UBASH3B: variants seen among roughly 807,000 people sequenced by gnomAD.
The protein encoded by UBASH3B is ubiquitin associated and SH3 domain containing B.
Under a neutral mutation model 83.4 loss-of-function variants are expected in UBASH3B, and 37 were observed. The observed-to-expected ratio is 0.44, with a 90% CI of 0.34 to 0.58. UBASH3B has a LOEUF of 0.58. Ranked by LOEUF, UBASH3B falls within the 20% of genes least tolerant of loss-of-function variation. The probability of loss-of-function intolerance (pLI) is 0.01; values close to 1 mark genes in which losing one functional copy is unlikely to be tolerated. For missense variants in UBASH3B, 657 were observed against 827.2 expected (o/e 0.79, Z 2.52); for synonymous variants, 304 against 318.3 (o/e 0.96, Z 0.48).
chr11:122,791,114 T>C (rs1861046057), intron 6 of UBASH3B, among the ~76,000 whole-genome samples: 1 of 152,226 alleles, frequency 6.6e-6, no homozygotes, highest in African/African-American at 2.4e-5. Flanking sequence ...CATCTTTTAT[T>C]CGAGAGATTA....
At chr11:122,803,415 T>C (rs866507158) in intron 11 of UBASH3B, among the ~76,000 whole-genome samples, 3 of 152,044 alleles carry the variant, frequency 2.0e-5, no homozygotes, top group African/African-American at 7.2e-5. Flanking sequence ...GAAAGAGCCC[T>C]CTCACCTTGC....
At chr11:122,718,333 G>A (rs1003580227) in intron 1 of UBASH3B, among the ~76,000 whole-genome samples, 2 of 152,154 alleles carry the variant, frequency 1.3e-5, no homozygotes, top group African/African-American at 4.8e-5. Flanking sequence ...ACTTAACATA[G>A]AGCCCTGGCG....
At position 122,794,800 on chromosome 11, in the gene UBASH3B, C is replaced by T. The variant is rs760170613; in HGVS notation, c.1079C>T (p.Thr360Met). ...TATGAGGACCAGGGGCTCGGGGAGACGACTCCTCTTACTATCATCTGCCAG... is the reference window on the plus strand; with the variant it reads ...TATGAGGACCAGGGGCTCGGGGAGATGACTCCTCTTACTATCATCTGCCAG... ...RPYEDQGLGE[T>M]TPLTIICQPM... Residue 360 changes from threonine to methionine, a missense_variant, in exon 7 of 14, where the codon ACG becomes ATG. Around this residue, in one of 3 missense-constraint regions of UBASH3B, gnomAD observed 573 missense variants for 739.0 expected, o/e 0.78. Transcript: ENST00000284273. 49 of 1,613,756 alleles carry T rather than the reference C, an allele frequency of 3.0e-5. No homozygotes were observed. The highest frequency in any genetic ancestry group is 3.4e-5 in the Non-Finnish European group (40 of 1,179,946).
chr11:122,774,563 G>C (rs777420292), intron 1 of UBASH3B, among the ~76,000 whole-genome samples: 4 of 152,116 alleles, frequency 2.6e-5, no homozygotes, highest in Admixed American at 6.5e-5. Flanking sequence ...TCACAGCATC[G>C]GTCATTCTAA....
intron 1 of UBASH3B, among the ~76,000 whole-genome samples, chr11:122,658,566 A>G (rs530598081): frequency 1.8e-4 from 27 of 152,330 alleles, no homozygotes; most frequent in Admixed American, 2.6e-4. Flanking sequence ...TCAATGAGGA[A>G]GGTACCACAT....
At chr11:122,662,789 AC>A (rs1379248792) in intron 1 of UBASH3B, among the ~76,000 whole-genome samples, 3 of 152,096 alleles carry the variant, frequency 2.0e-5, no homozygotes, top group African/African-American at 7.2e-5. Context: ...TGTAGGTCAT[AC>A]AGTGCATACC....
intron 1 of UBASH3B, among the ~76,000 whole-genome samples, chr11:122,753,338 C>G (rs1861229528): frequency 6.6e-6 from 1 of 151,710 alleles, no homozygotes; most frequent in African/African-American, 2.4e-5. Context: ...GTACTCCCAG[C>G]TACTCAGCAG....
intron 6 of UBASH3B, among the ~76,000 whole-genome samples, chr11:122,792,951 A>AC (rs11390561): frequency 0.23 from 34,431 of 152,078 alleles, 4,258 homozygotes; most frequent in Middle Eastern, 0.45. Context: ...GACTTCTGAG[A>AC]CTTCGTTTAT....
chr11:122,783,015 C>T, intron 4 of UBASH3B, 38 bp from the exon 5 acceptor site: 1 of 1,594,800 alleles, frequency 6.3e-7, no homozygotes, highest in Non-Finnish European at 8.5e-7. Flanking sequence ...CTATCATCAC[C>T]ACCTTTTAAT....
At chr11:122,670,058 G>C (rs1027581031) in intron 1 of UBASH3B, among the ~76,000 whole-genome samples, 2 of 152,216 alleles carry the variant, frequency 1.3e-5, no homozygotes, top group Non-Finnish European at 2.9e-5. Context: ...CCATTGGTTT[G>C]TTCTTTGACT....
At chr11:122,730,006 G>GAAA in intron 1 of UBASH3B, among the ~76,000 whole-genome samples, 2 of 82,614 alleles carry the variant, frequency 2.4e-5, no homozygotes, top group African/African-American at 9.5e-5. Context: ...AAAAAAAAAG[G>GAAA]CCAGGTGCAG....
At chr11:122,749,143 G>A (rs180936481) in intron 1 of UBASH3B, among the ~76,000 whole-genome samples, 28 of 152,302 alleles carry the variant, frequency 1.8e-4, no homozygotes, top group Admixed American at 5.2e-4. Flanking sequence ...TACTCAGATC[G>A]GATCCCTTGT....
intron 1 of UBASH3B, among the ~76,000 whole-genome samples, chr11:122,686,741 G>T (rs571493835): frequency 6.6e-6 from 1 of 152,198 alleles, no homozygotes; most frequent in East Asian, 1.9e-4. Context: ...TCCAGGTGTT[G>T]ACTTTTTCCC....
intron 1 of UBASH3B, among the ~76,000 whole-genome samples, chr11:122,705,189 G>A (rs1864099047): frequency 6.6e-6 from 1 of 152,188 alleles, no homozygotes; most frequent in South Asian, 2.1e-4. Context: ...GCTCATGCCT[G>A]TAATCCCAGC....
intron 1 of UBASH3B, among the ~76,000 whole-genome samples, chr11:122,680,111 G>A (rs1377475330): frequency 2.6e-5 from 4 of 152,136 alleles, no homozygotes; most frequent in Admixed American, 6.5e-5. Context: ...GATTACAGGC[G>A]TGAGCCACCA....
intron 8 of UBASH3B, 123 bp downstream of exon 8, chr11:122,796,399 C>T: frequency 7.1e-7 from 1 of 1,414,954 alleles, no homozygotes; most frequent in South Asian, 1.4e-5. Flanking sequence ...AGATGTCTGT[C>T]ATGTGTAAGC....
intron 1 of UBASH3B, among the ~76,000 whole-genome samples, chr11:122,762,777 G>A (rs1188844733): frequency 6.6e-6 from 1 of 152,194 alleles, no homozygotes; most frequent in Non-Finnish European, 1.5e-5. Flanking sequence ...CTTACCAGAT[G>A]GTTGTAGATT....
At chr11:122,796,307 C>A in intron 8 of UBASH3B, 31 bp downstream of exon 8, 1 of 1,610,484 alleles carries the variant, frequency 6.2e-7, no homozygotes, top group Non-Finnish European at 8.5e-7. Context: ...CTCAGCACTG[C>A]CATACCCATA....
At chr11:122,711,281 TTCGTAA>T (rs1314910709) in intron 1 of UBASH3B, among the ~76,000 whole-genome samples, 19 of 152,256 alleles carry the variant, frequency 1.2e-4, no homozygotes, top group Admixed American at 1.2e-3. Flanking sequence ...AACCTTGGAA[TTCGTAA>T]TCATTTTAGT....
Sources: allele counts gnomAD v4.1 joint callset (sites outside exome capture counted in the v4.1 genomes callset), GRCh38; gene constraint gnomAD v4.1.1; regional missense constraint gnomAD v4.1.1; transcripts MANE v1.5; gene names NCBI Gene and HGNC (gene_info 2026-07-23, HGNC 2026-07-21).